GPN1: variants seen among roughly 807,000 people sequenced by gnomAD.
GPN1 encodes the protein GPN-loop GTPase 1.
Under a neutral mutation model 55.9 loss-of-function variants are expected in GPN1, and 44 were observed. That is an observed-to-expected ratio of 0.79 (90% CI 0.62 to 1.01). The LOEUF (loss-of-function observed/expected upper bound fraction) is 1.01. Among genes scored for constraint, GPN1 ranks in the 50% least tolerant of loss-of-function variants. The pLI is 0.00. For synonymous variants in GPN1, 179 were observed against 162.5 expected (o/e 1.10, Z -0.77); for missense variants, 466 against 462.8 (o/e 1.01, Z -0.06).
upstream of GPN1, chr2:27,628,699 G>A: frequency 6.4e-7 from 1 of 1,551,706 alleles, no homozygotes; most frequent in Non-Finnish European, 8.7e-7. Flanking sequence ...CGTTCTCTGT[G>A]GGCTCAAAAT....
rs778754565 is a variant in GPN1, at chr2:27,638,865, T to G, written c.571-20T>G. 6.3e-7 allele frequency: 1 copy of G among 1,583,990 alleles called. No individual in the cohort carries two copies. The highest frequency in any genetic ancestry group is 8.6e-7 in the Non-Finnish European group (1 of 1,167,694). ...GTTTGTTGGCTCTGGTTGCTCATAA[T>G]TGACTTCTCTCTGGTACAGACTGAC... On this transcript the variant is annotated intron_variant, in intron 8 of 13. Transcript: ENST00000610189.
rs543310906 is a variant in GPN1 at position 27,643,900 on chromosome 2, C to T, written c.931+1381C>T. 1.5e-4 allele frequency among the ~76,000 whole-genome samples: 23 copies of T among 152,090 alleles called. No individual in the cohort carries two copies. Among genetic ancestry groups the T allele is most frequent in the African/African-American group, 2.9e-4 (12 of 41,404 alleles). ...TCATAAAGAATTACTATTTTTAGGC[C>T]GGGCGCAGTGGCTCACGCCTGTAAT... is the stretch of plus-strand genomic sequence containing the variant. On this transcript the variant is annotated intron_variant, in intron 12 of 13. Transcript: ENST00000610189. The surrounding 1 kb of genome is among the most constrained non-coding windows in gnomAD (Gnocchi z 4.0).
intron 12 of GPN1, among the ~76,000 whole-genome samples, chr2:27,645,154 A>G (rs1674165094): frequency 6.6e-6 from 1 of 152,098 alleles, no homozygotes; most frequent in Non-Finnish European, 1.5e-5. Context: ...AATTTTTAAT[A>G]GAGACGAGGT....
intron 11 of GPN1, among the ~76,000 whole-genome samples, chr2:27,641,539 G>A (rs1673950559): frequency 6.6e-6 from 1 of 152,090 alleles, no homozygotes; most frequent in Non-Finnish European, 1.5e-5. Flanking sequence ...CCCTTTCAGA[G>A]GTCAATTTAA....
At position 27,642,450 on chromosome 2, in the gene GPN1, C is replaced by A; in HGVS notation, c.862C>A (p.Gln288Lys). Residue 288 changes from glutamine (Q) to lysine (K), a missense_variant, in exon 12 of 14, where the codon CAG (glutamine) becomes AAG (lysine). By Grantham distance (53) the Gln-to-Lys change is moderately conservative. Transcript: ENST00000610189. ...ACAGGCCAACGCAGAGAGCCAACAG[C>A]AGAGAGAACAACTGGAACGCCTTCG... is the stretch of plus-strand genomic sequence containing the variant. ...KSLANAESQQ[Q>K]REQLERLRKD... is the part of the protein sequence containing the mutation. 6.2e-7 allele frequency: 1 copy of A among 1,612,690 alleles called. No individual in the cohort carries two copies. Among genetic ancestry groups the A allele is most frequent in the Non-Finnish European group, 8.5e-7 (1 of 1,178,762 alleles).
chr2:27,642,572 T>A lies in GPN1; in HGVS notation c.931+53T>A, dbSNP rs906656414. 198 of 1,068,428 alleles carry A rather than the reference T, an allele frequency of 1.9e-4. 1 individual carries two copies. Among genetic ancestry groups the A allele is most frequent in the South Asian group, 3.0e-4 (23 of 75,758 alleles). The allele number at this position is 1,068,428 out of a possible 1,614,324, so 66.2% of individuals were successfully genotyped here. On this transcript the variant is annotated intron_variant, in intron 12 of 13. Transcript: ENST00000610189. ...ACTAAAAAAAGGTTACACTTCTTTC[T>A]TTTATTTATTTATTTATTTTTGAGA...
intron 13 of GPN1, among the ~76,000 whole-genome samples, chr2:27,649,511 T>C (rs1016597911): frequency 5.3e-5 from 8 of 152,094 alleles, no homozygotes; most frequent in Non-Finnish European, 1.2e-4. Context: ...CCCCCAAAAC[T>C]TCCTCATGCC....
chr2:27,650,399 T>C lies in GPN1; in HGVS notation c.*199T>C, dbSNP rs1357585871. The C allele has an allele frequency of 2.5e-6, 1 of 406,584 alleles. No homozygotes were observed. Among genetic ancestry groups the C allele is most frequent in the Non-Finnish European group, 4.5e-6 (1 of 222,518 alleles). The allele number at this position is 406,584 out of a possible 1,614,324, so 25.2% of individuals were successfully genotyped here. The stretch of plus-strand genomic sequence containing the variant: ...ACCCTTGGACCTGGCAGGTTAATGC[T>C]GATTATTCCTTGGCCTTTCCCTTGT... On this transcript the variant is annotated 3_prime_UTR_variant, in exon 14 of 14. Transcript: ENST00000610189.
intron 12 of GPN1, among the ~76,000 whole-genome samples, chr2:27,644,144 C>T (rs967352540): frequency 6.6e-6 from 1 of 152,182 alleles, no homozygotes; most frequent in Non-Finnish European, 1.5e-5. Flanking sequence ...CACTGCACTC[C>T]AGCCTGGGTG....
chr2:27,646,383 C>T (rs926543638), intron 12 of GPN1, among the ~76,000 whole-genome samples: 3 of 152,194 alleles, frequency 2.0e-5, no homozygotes, highest in Admixed American at 6.5e-5. Flanking sequence ...TTCTTCATTA[C>T]TGTTGAAAAT....
intron 5 of GPN1, among the ~76,000 whole-genome samples, chr2:27,633,309 C>T (rs1289169167): frequency 1.3e-5 from 2 of 151,578 alleles, no homozygotes; most frequent in Non-Finnish European, 1.5e-5. Flanking sequence ...CTAGAGGTAG[C>T]TTTTGTTTTG....
chr2:27,650,174 C>T lies in GPN1; in HGVS notation c.1099C>T (p.Gln367Ter), dbSNP rs1284521588. The change falls in exon 14 of 14, where the codon CAA (glutamine) becomes TAA (stop). Residue 367 changes from glutamine (Q) to a stop codon, truncating the protein, a stop_gained. Coordinates refer to ENST00000610189, the MANE Select transcript of GPN1 (RefSeq NM_007266.4). LOFTEE classifies it high-confidence loss of function. ...GAATTTTATGCAAGAATCGATGGCA[C>T]AATACTGGAAGAGAAACAATAAATA... Reference protein sequence around the residue: ...FQNFMQESMAQYWKRNNK With the variant: ...FQNFMQESMA 1 of 1,600,868 alleles carries T rather than the reference C, an allele frequency of 6.2e-7. No homozygotes were observed.
intron 13 of GPN1, among the ~76,000 whole-genome samples, 196 bp downstream of exon 13, chr2:27,648,139 G>C (rs1173538015): frequency 6.6e-6 from 1 of 152,204 alleles, no homozygotes; most frequent in African/African-American, 2.4e-5. Context: ...CAGGCCTTTC[G>C]TTGGTCTTGT....
chr2:27,629,011 C>T (rs1355697369), upstream of GPN1: 2 of 1,611,658 alleles, frequency 1.2e-6, no homozygotes, highest in Non-Finnish European at 8.5e-7. Flanking sequence ...GGAAGTTTCT[C>T]TACCCATGCG....
chr2:27,636,937 C>T (rs1321595574), intron 7 of GPN1, among the ~76,000 whole-genome samples: 2 of 152,152 alleles, frequency 1.3e-5, no homozygotes, highest in African/African-American at 4.8e-5. Context: ...CCCAGCGTGG[C>T]CTCCCAAAGT....
At chr2:27,636,719 C>T (rs1673747059) in intron 7 of GPN1, among the ~76,000 whole-genome samples, 1 of 152,172 alleles carries the variant, frequency 6.6e-6, no homozygotes, top group Non-Finnish European at 1.5e-5. Flanking sequence ...AAGTGATCTG[C>T]CCGCCTTGGC....
intron 13 of GPN1, among the ~76,000 whole-genome samples, chr2:27,649,602 C>T (rs920573496): frequency 6.6e-6 from 1 of 152,088 alleles, no homozygotes; most frequent in African/African-American, 2.4e-5. Context: ...CTTGCCTTTT[C>T]CAGAATGCCA....
At chr2:27,634,818 A>T (rs754383352) in intron 5 of GPN1, 28 bp from the exon 6 acceptor site, 3 of 1,238,108 alleles carry the variant, frequency 2.4e-6, no homozygotes, top group Non-Finnish European at 3.6e-6. Context: ...CAAATGTAAC[A>T]CTTCTTTAAT....
chr2:27,648,982 C>A (rs945246471), intron 13 of GPN1, among the ~76,000 whole-genome samples: 1 of 151,352 alleles, frequency 6.6e-6, no homozygotes, highest in African/African-American at 2.4e-5. Flanking sequence ...CGGTGGCTCA[C>A]GTCTGTAATC....
Sources: gnomAD v4.1 joint callset for allele counts (sites outside exome capture counted in the v4.1 genomes callset) on GRCh38, gnomAD v4.1.1 for gene constraint, Gnocchi (gnomAD v3.1) non-coding constraint, MANE v1.5 for transcripts, NCBI Gene and HGNC (gene_info 2026-07-23, HGNC 2026-07-21) for gene names.